The following SEMA3A variants were observed in gnomAD, a reference collection of about 807,000 sequenced individuals.
SEMA3A encodes the protein semaphorin 3A.
In SEMA3A, 29 loss-of-function variants were observed where a neutral mutation model predicts 97.9. That is an observed-to-expected ratio of 0.30 (90% CI 0.22 to 0.40). SEMA3A has a LOEUF of 0.40. Among genes scored for constraint, SEMA3A ranks in the 10% least tolerant of loss-of-function variants. The pLI is 1.00. For missense variants in SEMA3A, 763 were observed against 951.3 expected (o/e 0.80, Z 2.60); for synonymous variants, 321 against 323.7 (o/e 0.99, Z 0.09).
intron 1 of SEMA3A, among the ~76,000 whole-genome samples, chr7:84,412,336 G>A (rs1356934417): frequency 6.6e-6 from 1 of 152,100 alleles, no homozygotes; most frequent in Middle Eastern, 3.2e-3. Context: ...CACAATCAGC[G>A]ATGAAGCATT....
At chr7:84,156,462 T>G (rs1226309721) in intron 1 of SEMA3A, among the ~76,000 whole-genome samples, 1 of 152,124 alleles carries the variant, frequency 6.6e-6, no homozygotes, top group African/African-American at 2.4e-5. Flanking sequence ...TCCAATATAA[T>G]CTATTAGAAA....
chr7:84,375,824 C>T (rs1295790086), intron 1 of SEMA3A, among the ~76,000 whole-genome samples: 1 of 152,030 alleles, frequency 6.6e-6, no homozygotes, highest in African/African-American at 2.4e-5. Context: ...ACCTGCTAAC[C>T]TGTCTCTTCC....
intron 12 of SEMA3A, among the ~76,000 whole-genome samples, chr7:83,994,919 C>CT (rs1228935428): frequency 6.6e-6 from 1 of 152,108 alleles, no homozygotes; most frequent in African/African-American, 2.4e-5. Context: ...CCCAGCCTAG[C>CT]TGCCGCCTTG....
intron 2 of SEMA3A, among the ~76,000 whole-genome samples, chr7:84,327,371 G>GA (rs1475978785): frequency 6.6e-6 from 1 of 151,644 alleles, no homozygotes; most frequent in African/African-American, 2.4e-5. Context: ...GGGAAAGGGT[G>GA]AAAAAAATGC....
intron 1 of SEMA3A, among the ~76,000 whole-genome samples, chr7:84,422,770 G>C (rs1284014102): frequency 6.6e-6 from 1 of 151,960 alleles, no homozygotes; most frequent in Non-Finnish European, 1.5e-5. Context: ...ATTTTGTTAT[G>C]TACCCAGTAG....
chr7:84,334,060 G>GT (rs1467825685), intron 2 of SEMA3A, among the ~76,000 whole-genome samples: 1 of 152,000 alleles, frequency 6.6e-6, no homozygotes. Flanking sequence ...AAAAACAATA[G>GT]TTTTTTTCTT....
chr7:84,013,829 A>G (rs1216405438), intron 7 of SEMA3A, among the ~76,000 whole-genome samples: 2 of 152,212 alleles, frequency 1.3e-5, no homozygotes, highest in Admixed American at 6.5e-5. Context: ...CCTAGGGGGC[A>G]GAGCAAGACT....
At chr7:84,334,888 GCCTCATTTTCTACTTAGACTACCC>G (rs1276320805) in intron 2 of SEMA3A, among the ~76,000 whole-genome samples, 9 of 134,088 alleles carry the variant, frequency 6.7e-5, no homozygotes, top group East Asian at 2.5e-4. Flanking sequence ...TAAGTCCCAC[GCCTCATTTTCTACTTAGACTACCC>G]CCTCATTTTC....
At chr7:84,221,709 T>G (rs929381871) in intron 3 of SEMA3A, among the ~76,000 whole-genome samples, 7 of 152,042 alleles carry the variant, frequency 4.6e-5, no homozygotes, top group Non-Finnish European at 1.0e-4. Context: ...TAGCATTTAT[T>G]GATTAAGTTT....
chr7:84,430,601 G>T (rs1372344433), intron 1 of SEMA3A, among the ~76,000 whole-genome samples: 2 of 151,934 alleles, frequency 1.3e-5, no homozygotes, highest in Admixed American at 1.3e-4. Flanking sequence ...GGTAAAAATT[G>T]TAACTCTTTG....
chr7:84,432,214 T>G (rs530835725), intron 1 of SEMA3A, among the ~76,000 whole-genome samples: 1 of 152,188 alleles, frequency 6.6e-6, no homozygotes, highest in African/African-American at 2.4e-5. Flanking sequence ...AATGTAGAAG[T>G]GACAGGACAA....
chr7:84,455,435 T>G (rs143021132), intron 1 of SEMA3A, among the ~76,000 whole-genome samples: 1 of 151,994 alleles, frequency 6.6e-6, no homozygotes, highest in African/African-American at 2.4e-5. Flanking sequence ...GTTAAACTAA[T>G]ATTTCTAAAT....
At chr7:84,180,386 T>A (rs1797705916) in intron 1 of SEMA3A, among the ~76,000 whole-genome samples, 1 of 152,060 alleles carries the variant, frequency 6.6e-6, no homozygotes, top group Non-Finnish European at 1.5e-5. Context: ...TTTGTATTTT[T>A]TAAAAAATTA....
chr7:84,295,882 G>C (rs1800858521), intron 3 of SEMA3A, among the ~76,000 whole-genome samples: 2 of 151,834 alleles, frequency 1.3e-5, no homozygotes, highest in South Asian at 2.1e-4. Flanking sequence ...ACCATGTCTG[G>C]ATTTGGTAAC....
chr7:84,392,694 G>T (rs1367765229), intron 1 of SEMA3A, among the ~76,000 whole-genome samples: 5 of 152,074 alleles, frequency 3.3e-5, no homozygotes, highest in Non-Finnish European at 7.4e-5. Context: ...TCCACATCCT[G>T]CTGACACTTA....
chr7:84,359,132 C>A (rs1191809203), intron 2 of SEMA3A, among the ~76,000 whole-genome samples: 1 of 152,224 alleles, frequency 6.6e-6, no homozygotes, highest in African/African-American at 2.4e-5. Flanking sequence ...CCCTTTATTT[C>A]TTTCTCCTGC....
At chr7:84,316,130 CAAAAAAAAAAA>C (rs202005657) in intron 2 of SEMA3A, among the ~76,000 whole-genome samples, 12 of 30,228 alleles carry the variant, frequency 4.0e-4, no homozygotes, top group East Asian at 1.0e-3. Context: ...GACTCTATCT[CAAAAAAAAAAA>C]AAAAAAAAAA....
upstream of SEMA3A, among the ~76,000 whole-genome samples, chr7:84,196,635 G>A (rs1798239223): frequency 6.6e-6 from 1 of 152,088 alleles, no homozygotes; most frequent in South Asian, 2.1e-4. Flanking sequence ...TGTTATACTA[G>A]GCACTTTCAC....
At chr7:83,992,293 A>C (rs1390364082) in intron 12 of SEMA3A, among the ~76,000 whole-genome samples, 1 of 146,640 alleles carries the variant, frequency 6.8e-6, no homozygotes, top group African/African-American at 2.6e-5. Context: ...TCATTTTTTG[A>C]AGGGTTTTTT....
Sources: gnomAD v4.1 joint callset for allele counts (sites outside exome capture counted in the v4.1 genomes callset) on GRCh38, gnomAD v4.1.1 for gene constraint, MANE v1.5 for transcripts, NCBI Gene and HGNC (gene_info 2026-07-23, HGNC 2026-07-21) for gene names.